Variants in AEBP1 observed in about 807,000 individuals in gnomAD.
AEBP1 encodes adipocyte enhancer-binding protein 1.
AEBP1 carries 69 observed loss-of-function variants against 116.5 expected under a neutral mutation model. The observed-to-expected ratio is 0.59, with a 90% CI of 0.49 to 0.72. AEBP1 has a LOEUF of 0.72. AEBP1 is among the 30% of genes least tolerant of loss of function. The pLI, the probability that AEBP1 is intolerant of heterozygous loss-of-function variation, is 0.00. For synonymous variants in AEBP1, 627 were observed against 627.3 expected, an observed-to-expected ratio of 1.00 and a Z score of 0.01; for missense variants, 1,444 against 1,557.5, an observed-to-expected ratio of 0.93 and a Z score of 1.23.
Position 44,111,386 on chromosome 7 carries a change from G to A in AEBP1, c.1717-121G>A. Reference sequence around the variant, plus strand: ...ACCTTAGGAAGGAGGCCAGTACCTGGGGGCTGCGTGAAGGGGTCATGCCCG... The same window carrying A: ...ACCTTAGGAAGGAGGCCAGTACCTGAGGGCTGCGTGAAGGGGTCATGCCCG... On this transcript the variant is annotated intron_variant, in intron 14 of 20. Transcript: ENST00000223357. This position sits in a 1 kb window ranked among gnomAD's most constrained non-coding sequence, Gnocchi z 4.7. 7.0e-7 allele frequency: 1 copy of A among 1,429,882 alleles called. No individual in the cohort carries two copies. Among genetic ancestry groups the A allele is most frequent in the Non-Finnish European group, 9.3e-7 (1 of 1,079,536 alleles). The allele number at this position is 1,429,882 out of a possible 1,614,324, so 88.6% of individuals were successfully genotyped here.
In AEBP1 at chr7:44,104,414, A is replaced by C; in HGVS notation, c.-252A>C. On this transcript the variant is annotated 5_prime_UTR_variant, in exon 1 of 21. Coordinates refer to ENST00000223357, the MANE Select transcript of AEBP1 (RefSeq NM_001129.5). ...GGGGCCGGAGCGCCTATTAGCCGCC[A>C]GGACCTCGGAGCGCCCCGACCACCC... is the stretch of plus-strand genomic sequence containing the variant. 2 of 339,182 alleles carry C rather than the reference A, an allele frequency of 5.9e-6. No homozygotes were observed. The highest frequency in any genetic ancestry group is 5.3e-6 in the Non-Finnish European group (1 of 189,270). The allele number at this position is 339,182 out of a possible 1,614,324, so 21.0% of individuals were successfully genotyped here. A position where few individuals can be genotyped will look rare whatever the true frequency, so the allele number is the denominator to read the frequency against.
rs145109144 is a variant in AEBP1 at position 44,106,603 on chromosome 7, A to G, written c.311A>G (p.Lys104Arg). Residue 104 changes from lysine (K) to arginine (R), a missense_variant, in exon 2 of 21, where the codon AAG becomes AGG. Transcript: ENST00000223357. Reference protein sequence around the residue: ...GKKGKKDKGPKVPKESLEGSP... With the variant: ...GKKGKKDKGPRVPKESLEGSP... The stretch of plus-strand genomic sequence containing the variant: ...AAAGGCAAGAAAGACAAAGGCCCCA[A>G]GGTGCCCAAGGAGTCCTTGGAGGGG... 1.4e-5 allele frequency: 23 copies of G among 1,611,648 alleles called. No homozygotes were observed. Among genetic ancestry groups the G allele is most frequent in the Admixed American group, 6.7e-5 (4 of 59,538 alleles).
Position 44,107,340 on chromosome 7 carries a change from G to T in AEBP1, c.596-99G>T. On this transcript the variant is annotated intron_variant, in intron 2 of 20. Coordinates refer to ENST00000223357, the MANE Select transcript of AEBP1 (RefSeq NM_001129.5). The surrounding 1 kb of genome is among the most constrained non-coding windows in gnomAD (Gnocchi z 4.3). Reference sequence around the variant, plus strand: ...GCTCGGCCTCAGGAGGGTGTCCACAGGCTCTGTGTGGGCTCTATGGGTGGC... The same window carrying T: ...GCTCGGCCTCAGGAGGGTGTCCACATGCTCTGTGTGGGCTCTATGGGTGGC... The T allele has an allele frequency of 8.1e-7, 1 of 1,229,926 alleles. No individual in the cohort carries two copies. The highest frequency in any genetic ancestry group is 1.2e-6 in the Non-Finnish European group (1 of 842,604). 76.2% of individuals were successfully genotyped at this position (1,229,926 alleles called of 1,614,324 possible). A position where few individuals can be genotyped will look rare whatever the true frequency, so the allele number is the denominator to read the frequency against.
chr7:44,114,121 T>G lies in AEBP1; in HGVS notation c.3337T>G (p.Leu1113Val), dbSNP rs554059437. 6.2e-7 allele frequency: 1 copy of G among 1,613,566 alleles called. No individual in the cohort carries two copies. The highest frequency in any genetic ancestry group is 1.1e-5 in the South Asian group (1 of 90,896). The change falls in exon 21 of 21, where the codon TTG becomes GTG. Residue 1113 changes from leucine (L) to valine (V), a missense_variant. By Grantham distance (32) the Leu-to-Val change is conservative (BLOSUM62 1). Coordinates refer to ENST00000223357, the MANE Select transcript of AEBP1 (RefSeq NM_001129.5). ...TKVEPEFETQ[L>V]EPEFETQLEP... is the part of the protein sequence containing the mutation. ...GGTGGAGCCCGAGTTTGAGACCCAG[T>G]TGGAGCCTGAGTTTGAGACCCAGCT...
rs1174721162 is a variant in AEBP1, at chr7:44,110,340, G to A, written c.1394G>A (p.Ser465Asn). 2 of 1,613,690 alleles carry A rather than the reference G, an allele frequency of 1.2e-6. No homozygotes were observed. The highest frequency in any genetic ancestry group is 2.2e-5 in the East Asian group (1 of 44,890). The change falls in exon 11 of 21, where the codon AGC becomes AAC. Residue 465 changes from serine (S) to asparagine (N), a missense_variant. By Grantham distance (46) the Ser-to-Asn change is conservative (BLOSUM62 1). Coordinates refer to ENST00000223357, the MANE Select transcript of AEBP1 (RefSeq NM_001129.5). ...GTCATCACCCAGGGCAGAGACTCCAGCATCCAGTGCGTGGCCAGGCTCATG... is the reference window on the plus strand; with the variant it reads ...GTCATCACCCAGGGCAGAGACTCCAACATCCAGTGCGTGGCCAGGCTCATG... ...TGVITQGRDS[S>N]IHDDFVTTFF... is the part of the protein sequence containing the mutation.
Position 44,113,664 on chromosome 7 carries a change from C to T in AEBP1, c.2880C>T (p.Tyr960=), listed in dbSNP as rs766767549. 14 of 1,613,922 alleles carry T rather than the reference C, an allele frequency of 8.7e-6. No homozygotes were observed. The South Asian group carries it at 1.4e-4, about 16-fold the overall frequency. Residue 960 remains tyrosine, a synonymous_variant, in exon 21 of 21, where the codon TAC becomes TAT. Coordinates refer to ENST00000223357, the MANE Select transcript of AEBP1 (RefSeq NM_001129.5). The surrounding 1 kb of genome is among the most constrained non-coding windows in gnomAD (Gnocchi z 5.3). ...GCGTGACAGCCCACGCGGAGGGCTA[C>T]ACCCCGAGCGCCAAGACCTGCAATG... ...EYRVTAHAEG[Y]TPSAKTCNVD... is the part of the protein sequence containing the mutation.
At position 44,111,492 on chromosome 7, in the gene AEBP1, C is replaced by T. The variant is rs752996238; in HGVS notation, c.1717-15C>T. On this transcript the variant is annotated splice_polypyrimidine_tract_variant and intron_variant, in intron 14 of 20. Transcript: ENST00000223357. This position sits in a 1 kb window ranked among gnomAD's most constrained non-coding sequence, Gnocchi z 4.7. ...GATTGCATGATTGATTCCACGTCCT[C>T]CCCCTCTGCCCCAGCTCATGAAGGT... The T allele has an allele frequency of 3.4e-5, 53 of 1,566,894 alleles. No homozygotes were observed. The highest frequency in any genetic ancestry group is 4.6e-5 in the Non-Finnish European group (53 of 1,157,164).
rs181287452 is a variant in AEBP1 at position 44,106,501 on chromosome 7, C to G, written c.254-45C>G. 1,946 of 1,525,892 alleles carry G rather than the reference C, an allele frequency of 1.3e-3. 1 individual carries two copies. Among genetic ancestry groups the G allele is most frequent in the Non-Finnish European group, 1.6e-3 (1,808 of 1,137,112 alleles). 94.5% of individuals were successfully genotyped at this position (1,525,892 alleles called of 1,614,324 possible). Reference sequence around the variant, plus strand: ...TCTAGAGAGGGGCCTCATGGGGGCACAGAGCTGGCTCTGTTCATTTGACAC... The same window carrying G: ...TCTAGAGAGGGGCCTCATGGGGGCAGAGAGCTGGCTCTGTTCATTTGACAC... On this transcript the variant is annotated intron_variant, in intron 1 of 20. Coordinates refer to ENST00000223357, the MANE Select transcript of AEBP1 (RefSeq NM_001129.5).
rs757535956 is a variant in AEBP1 at position 44,104,705 on chromosome 7, C to T, written c.40C>T (p.Leu14=). ...VRGAPLLSCL[L]ALLALCPGGR... ...CGGGGCGCCCCTGCTCAGCTGCCTCCTGGCGTTGCTGGCCCTGTGCCCTGG... is the reference window on the plus strand; with the variant it reads ...CGGGGCGCCCCTGCTCAGCTGCCTCTTGGCGTTGCTGGCCCTGTGCCCTGG... Residue 14 remains leucine, a synonymous_variant, in exon 1 of 21, where the codon CTG becomes TTG. Transcript: ENST00000223357. 3.1e-6 allele frequency: 5 copies of T among 1,606,502 alleles called. No homozygotes were observed. The highest frequency in any genetic ancestry group is 1.3e-5 in the African/African-American group (1 of 74,822).
At chr7:44,106,425 G>A in intron 1 of AEBP1, 121 bp from the exon 2 acceptor site, 1 of 1,114,250 alleles carries the variant, frequency 9.0e-7, no homozygotes, top group Non-Finnish European at 1.3e-6. Context: ...CTCTCAGTTT[G>A]CTGATCCGCA....
At position 44,114,423 on chromosome 7, in the gene AEBP1, A is replaced by C; in HGVS notation, c.*162A>C. ...GCCCCTTTGAGGGGGTGCAAACATG[A>C]CTGGGACCTAAGAGCCAGAGGCTGT... On this transcript the variant is annotated 3_prime_UTR_variant, in exon 21 of 21. Coordinates refer to ENST00000223357, the MANE Select transcript of AEBP1 (RefSeq NM_001129.5). 3.8e-6 allele frequency: 3 copies of C among 784,152 alleles called. No individual in the cohort carries two copies. In the East Asian group the frequency reaches 8.0e-5, roughly 21 times the overall value. The allele number at this position is 784,152 out of a possible 1,614,324, so 48.6% of individuals were successfully genotyped here.
rs1196767660 is a variant in AEBP1 at position 44,111,413 on chromosome 7, C to T, written c.1717-94C>T. 2 of 1,474,938 alleles carry T rather than the reference C, an allele frequency of 1.4e-6. No homozygotes were observed. The highest frequency in any genetic ancestry group is 2.5e-5 in the Admixed American group (1 of 39,398). The allele number at this position is 1,474,938 out of a possible 1,614,324, so 91.4% of individuals were successfully genotyped here. On this transcript the variant is annotated intron_variant, in intron 14 of 20. Transcript: ENST00000223357. This position sits in a 1 kb window ranked among gnomAD's most constrained non-coding sequence, Gnocchi z 4.7. ...GGCTGCGTGAAGGGGTCATGCCCGT[C>T]CCTCGCCATAGAGCAGGCCCTGGAA...
chr7:44,113,528 A>G lies in AEBP1; in HGVS notation c.2810-66A>G. Reference sequence around the variant, plus strand: ...GGGGGAGGGCGGGGCTGGGGGCAGGACTGAGTGGGAGGGTGGGGGCCTGGG... The same window carrying G: ...GGGGGAGGGCGGGGCTGGGGGCAGGGCTGAGTGGGAGGGTGGGGGCCTGGG... On this transcript the variant is annotated intron_variant, in intron 20 of 20. Transcript: ENST00000223357. The surrounding 1 kb of genome is among the most constrained non-coding windows in gnomAD (Gnocchi z 5.3). The G allele has an allele frequency of 7.6e-7, 1 of 1,319,972 alleles. No homozygotes were observed. The highest frequency in any genetic ancestry group is 9.8e-7 in the Non-Finnish European group (1 of 1,022,332). The allele number at this position is 1,319,972 out of a possible 1,614,324, so 81.8% of individuals were successfully genotyped here.
rs71548222 is a variant in AEBP1, at chr7:44,108,695, G to A, written c.941-204G>A. The stretch of plus-strand genomic sequence containing the variant: ...CAGATGCTCCTGGAAGGCCGGGCTG[G>A]TGACTTCAGCAGGGTCTTGCTCAGC... On this transcript the variant is annotated intron_variant, in intron 6 of 20. Coordinates refer to ENST00000223357, the MANE Select transcript of AEBP1 (RefSeq NM_001129.5). This position sits in a 1 kb window ranked among gnomAD's most constrained non-coding sequence, Gnocchi z 5.0. Among the ~76,000 whole-genome samples, 2,967 of 152,250 alleles carry A rather than the reference G, an allele frequency of 0.019. 46 individuals carry two copies. The highest frequency in any genetic ancestry group is 0.031 in the Non-Finnish European group (2,107 of 67,996).
intron 9 of AEBP1, 70 bp from the exon 10 acceptor site, chr7:44,109,945 C>T (rs1583552237): frequency 1.4e-6 from 2 of 1,426,222 alleles, no homozygotes; most frequent in South Asian, 1.2e-5. Flanking sequence ...GCTCTGGGCT[C>T]CTTGGTTCTG....
In AEBP1 at chr7:44,104,800, A is replaced by G. The variant is rs1466981247; in HGVS notation, c.135A>G (p.Leu45=). The change falls in exon 1 of 21, where the codon CTA becomes CTG. Residue 45 remains leucine (L), a synonymous_variant. Coordinates refer to ENST00000223357, the MANE Select transcript of AEBP1 (RefSeq NM_001129.5). ...TCCTCGAGGGCTTCCTGTCAGAGCT[A>G]GAACCTGAGCCCCGGGAGGACGACG... The part of the protein sequence containing the change: ...EEFLEGFLSE[L]EPEPREDDVE... The G allele has an allele frequency of 1.9e-6, 3 of 1,609,690 alleles. No individual in the cohort carries two copies. The highest frequency in any genetic ancestry group is 2.5e-6 in the Non-Finnish European group (3 of 1,178,874).
rs746396415 is a variant in AEBP1, at chr7:44,113,308, C to G, written c.2766C>G (p.Asn922Lys). ...ACGAGCAAGGCATCCCCATTGCCAA[C>G]GCCACCATCTCTGTGAGTGGCATTA... The part of the protein sequence containing the change: ...VTDEQGIPIA[N>K]ATISVSGINH... The change falls in exon 20 of 21, where the codon AAC (asparagine) becomes AAG (lysine). Residue 922 changes from asparagine (N) to lysine (K), a missense_variant. By Grantham distance (94) the Asn-to-Lys change is moderately conservative (BLOSUM62 0). Transcript: ENST00000223357. The surrounding 1 kb of genome is among the most constrained non-coding windows in gnomAD (Gnocchi z 5.3). The G allele has an allele frequency of 8.7e-6, 14 of 1,613,498 alleles. No homozygotes were observed. In the African/African-American group the frequency reaches 1.2e-4, roughly 14 times the overall value.
At position 44,112,359 on chromosome 7, in the gene AEBP1, A is replaced by T. The variant is rs776573255; in HGVS notation, c.2217+38A>T. 2.0e-6 allele frequency: 3 copies of T among 1,516,508 alleles called. No individual in the cohort carries two copies. The highest frequency in any genetic ancestry group is 2.6e-6 in the Non-Finnish European group (3 of 1,132,316). The allele number at this position is 1,516,508 out of a possible 1,614,324, so 93.9% of individuals were successfully genotyped here. A position where few individuals can be genotyped will look rare whatever the true frequency, so the allele number is the denominator to read the frequency against. On this transcript the variant is annotated intron_variant, in intron 17 of 20. Transcript: ENST00000223357. The surrounding 1 kb of genome is among the most constrained non-coding windows in gnomAD (Gnocchi z 6.6). The stretch of plus-strand genomic sequence containing the variant: ...CCTGGCTGAAAGGGCAGGAGGGAGC[A>T]GCTGGACCCTGGGGTCCTGGTGTTC...
Position 44,108,174 on chromosome 7 carries a change from C to T in AEBP1, c.940+90C>T, listed in dbSNP as rs2096225145. ...TCAGGAGCCAGCTGGGGCAACTCAC[C>T]CACCTTGCAACCCCACCTGTGCCCG... On this transcript the variant is annotated intron_variant, in intron 6 of 20. Coordinates refer to ENST00000223357, the MANE Select transcript of AEBP1 (RefSeq NM_001129.5). This position sits in a 1 kb window ranked among gnomAD's most constrained non-coding sequence, Gnocchi z 5.0. 1 of 1,311,644 alleles carries T rather than the reference C, an allele frequency of 7.6e-7. No individual in the cohort carries two copies. The highest frequency in any genetic ancestry group is 1.1e-6 in the Non-Finnish European group (1 of 938,964). The allele number at this position is 1,311,644 out of a possible 1,614,324, so 81.3% of individuals were successfully genotyped here. A position where few individuals can be genotyped will look rare whatever the true frequency, so the allele number is the denominator to read the frequency against.
Sources: gnomAD v4.1 joint callset for allele counts (sites outside exome capture counted in the v4.1 genomes callset) on GRCh38, gnomAD v4.1.1 for gene constraint, Gnocchi (gnomAD v3.1) non-coding constraint, MANE v1.5 for transcripts, NCBI Gene and HGNC (gene_info 2026-07-23, HGNC 2026-07-21) for gene names.